Variants in BMPR1B observed in about 807,000 individuals in gnomAD.
The protein encoded by BMPR1B is bone morphogenetic protein receptor type 1B.
A neutral mutation model predicts 59.1 loss-of-function variants in BMPR1B; 12 were observed. The ratio of observed to expected loss-of-function variants is 0.20; its 90% CI spans 0.13 to 0.33. The LOEUF is 0.33. Among genes scored for constraint, BMPR1B ranks in the 10% least tolerant of loss-of-function variants. The pLI is 1.00. For synonymous variants in BMPR1B, 237 were observed against 207.3 expected (o/e 1.14, Z -1.23); for missense variants, 550 against 610.9 (o/e 0.90, Z 1.05).
chr4:94,775,161 T>A (rs1472287429), intron 1 of BMPR1B, among the ~76,000 whole-genome samples: 2 of 152,168 alleles, frequency 1.3e-5, no homozygotes, highest in Non-Finnish European at 2.9e-5. Flanking sequence ...ACCAGTTCAG[T>A]AAGGATCATG....
chr4:94,869,668 TA>T (rs1463975324), intron 1 of BMPR1B, among the ~76,000 whole-genome samples: 1 of 152,258 alleles, frequency 6.6e-6, no homozygotes, highest in Admixed American at 6.5e-5. Flanking sequence ...CTGTTCATTA[TA>T]AAATAAAATG....
chr4:94,815,677 G>A (rs969444963), intron 1 of BMPR1B, among the ~76,000 whole-genome samples: 5 of 152,116 alleles, frequency 3.3e-5, no homozygotes, highest in African/African-American at 1.2e-4. Flanking sequence ...TGTTAGCTTG[G>A]AAAAGTTACT....
chr4:94,981,946 G>A (rs1366908621), intron 2 of BMPR1B, among the ~76,000 whole-genome samples: 1 of 152,160 alleles, frequency 6.6e-6, no homozygotes. Context: ...ATAGGCTTAA[G>A]AACACAGAGA....
At chr4:95,089,970 T>C (rs1221480238) in intron 3 of BMPR1B, among the ~76,000 whole-genome samples, 1 of 152,110 alleles carries the variant, frequency 6.6e-6, no homozygotes, top group African/African-American at 2.4e-5. Context: ...TAAAACATCT[T>C]ACAGCACACT....
At chr4:94,988,987 G>A (rs1350882807) in intron 2 of BMPR1B, among the ~76,000 whole-genome samples, 1 of 152,038 alleles carries the variant, frequency 6.6e-6, no homozygotes, top group Non-Finnish European at 1.5e-5. Context: ...TGAAAAATGA[G>A]GACTAGCTTG....
intron 2 of BMPR1B, among the ~76,000 whole-genome samples, chr4:94,989,195 C>T (rs1352767443): frequency 6.6e-6 from 1 of 151,884 alleles, no homozygotes; most frequent in Non-Finnish European, 1.5e-5. Flanking sequence ...TCGAGACCAT[C>T]CTGGCCAACA....
chr4:95,015,933 C>T (rs1375583976), intron 3 of BMPR1B, among the ~76,000 whole-genome samples: 3 of 152,140 alleles, frequency 2.0e-5, no homozygotes, highest in Non-Finnish European at 2.9e-5. Flanking sequence ...CCTTATGATC[C>T]GCCCGCCTTG....
At chr4:94,842,951 T>C (rs149967098) in intron 1 of BMPR1B, among the ~76,000 whole-genome samples, 3,888 of 152,206 alleles carry the variant, frequency 0.026, 86 homozygotes, top group South Asian at 0.067. Context: ...TTTGTTGAAA[T>C]TGAATTAGCT....
At chr4:94,770,186 G>GTTTTTTTTTTTTTTTTTTTTTTTTT (rs56902521) in intron 1 of BMPR1B, among the ~76,000 whole-genome samples, 8 of 54,138 alleles carry the variant, frequency 1.5e-4, no homozygotes, top group Admixed American at 4.9e-4. Context: ...TTCTGTGTTT[G>GTTTTTTTTTTTTTTTTTTTTTTTTT]TTTTTTTTTT....
chr4:95,130,193 C>T (rs1272195769), intron 9 of BMPR1B, 139 bp downstream of exon 9: 19 of 1,014,150 alleles, frequency 1.9e-5, no homozygotes, highest in Non-Finnish European at 2.7e-5. Flanking sequence ...GGCCCAAGAA[C>T]ATCATAAGTT....
At chr4:94,771,332 A>G (rs894488159) in intron 1 of BMPR1B, among the ~76,000 whole-genome samples, 10 of 152,160 alleles carry the variant, frequency 6.6e-5, no homozygotes, top group Admixed American at 5.9e-4. Context: ...CCATGCTCAA[A>G]TGTTGGAGGT....
At chr4:94,758,321 C>T (rs1721609656) in intron 1 of BMPR1B, among the ~76,000 whole-genome samples, 1 of 151,358 alleles carries the variant, frequency 6.6e-6, no homozygotes, top group Admixed American at 6.6e-5. Context: ...GCCGCCTCGG[C>T]TTTGTGCGCG....
chr4:94,908,839 C>T (rs1402913766), intron 2 of BMPR1B, among the ~76,000 whole-genome samples: 1 of 151,960 alleles, frequency 6.6e-6, no homozygotes, highest in Non-Finnish European at 1.5e-5. Context: ...TAGTTCTTAT[C>T]GACTCTTCAT....
intron 1 of BMPR1B, among the ~76,000 whole-genome samples, chr4:94,805,733 G>A (rs75381867): frequency 0.012 from 1,815 of 152,280 alleles, 33 homozygotes; most frequent in African/African-American, 0.042. Context: ...CAGTGTGAAT[G>A]TAGATGGAGA....
intron 10 of BMPR1B, among the ~76,000 whole-genome samples, chr4:95,147,850 C>T (rs1300162783): frequency 1.3e-5 from 2 of 152,104 alleles, no homozygotes; most frequent in African/African-American, 4.8e-5. Context: ...TCATTCAGCA[C>T]CCTTAGAACA....
At chr4:95,135,500 A>C (rs1340308432) in intron 10 of BMPR1B, among the ~76,000 whole-genome samples, 4 of 152,196 alleles carry the variant, frequency 2.6e-5, no homozygotes, top group Non-Finnish European at 5.9e-5. Flanking sequence ...ATGAGCATGG[A>C]AAGTTCTTCT....
At chr4:94,795,970 CTT>C (rs34107733) in intron 1 of BMPR1B, among the ~76,000 whole-genome samples, 1 of 146,454 alleles carries the variant, frequency 6.8e-6, no homozygotes, top group Non-Finnish European at 1.5e-5. Flanking sequence ...CTTTTTTTAA[CTT>C]TTTTTTTTTT....
intron 2 of BMPR1B, among the ~76,000 whole-genome samples, chr4:94,957,019 TACAC>T (rs1417583395): frequency 6.6e-6 from 1 of 152,202 alleles, no homozygotes. Flanking sequence ...ACTATGTTGA[TACAC>T]ACAGCATTCA....
intron 2 of BMPR1B, among the ~76,000 whole-genome samples, chr4:94,901,734 T>A (rs1727815603): frequency 6.6e-6 from 1 of 151,988 alleles, no homozygotes; most frequent in African/African-American, 2.4e-5. Context: ...GAAGAGGAAT[T>A]CTTTTCTTTC....
Sources: allele counts gnomAD v4.1 joint callset (sites outside exome capture counted in the v4.1 genomes callset), GRCh38; gene constraint gnomAD v4.1.1; transcripts MANE v1.5; gene names NCBI Gene and HGNC (gene_info 2026-07-23, HGNC 2026-07-21).